The following TANC1 variants were observed in gnomAD, a reference collection of about 807,000 sequenced individuals.
TANC1 encodes the protein tetratricopeptide repeat, ankyrin repeat and coiled-coil containing 1, also known as protein TANC1.
Under a neutral mutation model 149.7 loss-of-function variants are expected in TANC1, and 77 were observed. The ratio of observed to expected loss-of-function variants is 0.51; its 90% CI spans 0.43 to 0.62. The LOEUF is 0.62. Among genes scored for constraint, TANC1 ranks in the 20% least tolerant of loss-of-function variants. The pLI, the probability that TANC1 is intolerant of heterozygous loss-of-function variation, is 0.00. For missense variants in TANC1, 1,985 were observed against 2,321.8 expected (o/e 0.85, Z 2.98); for synonymous variants, 854 against 925.0 (o/e 0.92, Z 1.39).
intron 1 of TANC1, among the ~76,000 whole-genome samples, chr2:159,000,838 G>A (rs927381822): frequency 2.6e-5 from 4 of 152,174 alleles, no homozygotes; most frequent in South Asian, 4.1e-4. Context: ...CCAGGGATCA[G>A]AGCTTAAGTG....
At chr2:159,040,845 T>C (rs1273599664) in intron 2 of TANC1, among the ~76,000 whole-genome samples, 1 of 152,234 alleles carries the variant, frequency 6.6e-6, no homozygotes, top group African/African-American at 2.4e-5. Flanking sequence ...AGAGGCATTC[T>C]GGTTTTTAGA....
chr2:159,140,556 T>C (rs904432425), intron 5 of TANC1, among the ~76,000 whole-genome samples: 2 of 152,206 alleles, frequency 1.3e-5, no homozygotes, highest in African/African-American at 4.8e-5. Flanking sequence ...GCATGGGTCC[T>C]GTCTTTATGG....
In TANC1 at chr2:159,196,844, C is replaced by G. The variant is rs376330182; in HGVS notation, c.3165+51C>G. 2.2e-5 allele frequency: 33 copies of G among 1,528,806 alleles called. No homozygotes were observed. The African/African-American group carries it at 4.4e-4, about 21-fold the overall frequency. The allele number at this position is 1,528,806 out of a possible 1,614,324, so 94.7% of individuals were successfully genotyped here. A position where few individuals can be genotyped will look rare whatever the true frequency, so the allele number is the denominator to read the frequency against. ...TGGGAAACAAGAAGCTGTAGCCCAGCAAGTCAGTTGACACACTGAAGGACC... is the reference window on the plus strand; with the variant it reads ...TGGGAAACAAGAAGCTGTAGCCCAGGAAGTCAGTTGACACACTGAAGGACC... On this transcript the variant is annotated intron_variant, in intron 18 of 26. Coordinates refer to ENST00000263635, the MANE Select transcript of TANC1 (RefSeq NM_033394.3).
chr2:159,149,231 A>G lies in TANC1; in HGVS notation c.454A>G (p.Ser152Gly). 1 of 1,614,170 alleles carries G rather than the reference A, an allele frequency of 6.2e-7. No homozygotes were observed. The highest frequency in any genetic ancestry group is 8.5e-7 in the Non-Finnish European group (1 of 1,180,004). ...LGFLLGEGIP[S>G]ATHITIEDKN... is the part of the protein sequence containing the mutation. ...ATTTTTACTGGGAGAAGGGATCCCAAGTGCCACACACATAACCATTGAAGA... is the reference window on the plus strand; with the variant it reads ...ATTTTTACTGGGAGAAGGGATCCCAGGTGCCACACACATAACCATTGAAGA... The change falls in exon 6 of 27, where the codon AGT becomes GGT. Residue 152 changes from serine (S) to glycine (G), a missense_variant. Transcript: ENST00000263635.
chr2:159,016,105 G>A (rs977294159), intron 2 of TANC1, among the ~76,000 whole-genome samples: 1 of 152,194 alleles, frequency 6.6e-6, no homozygotes, highest in Non-Finnish European at 1.5e-5. Context: ...CCAAGACTGA[G>A]CAGTTTACAA....
rs2060371011 is a variant in TANC1 at position 159,232,556 on chromosome 2, CTTAT to C, written c.*1551_*1554del. The C allele has an allele frequency of 6.6e-6, 1 of 152,534 alleles. No homozygotes were observed. The highest frequency in any genetic ancestry group is 2.1e-4 in the South Asian group (1 of 4,828). 9.4% of individuals were successfully genotyped at this position (152,534 alleles called of 1,614,324 possible). On this transcript the variant is annotated 3_prime_UTR_variant, in exon 27 of 27. Transcript: ENST00000263635. ...ATGAGTTTTGCTGTAACTACTATGGCTTATTTATTTTCTTTAATATTTGTGAAAG... is the reference window on the plus strand; with the variant it reads ...ATGAGTTTTGCTGTAACTACTATGGCTTATTTTCTTTAATATTTGTGAAAG...
chr2:159,074,540 G>GT (rs2043458360), intron 3 of TANC1, among the ~76,000 whole-genome samples: 1 of 152,130 alleles, frequency 6.6e-6, no homozygotes, highest in Non-Finnish European at 1.5e-5. Flanking sequence ...TGATGATTGT[G>GT]TTTTTATTTC....
intron 8 of TANC1, 71 bp downstream of exon 8, chr2:159,163,617 A>G (rs960086473): frequency 1.3e-6 from 2 of 1,531,560 alleles, no homozygotes; most frequent in East Asian, 4.5e-5. Context: ...CTGTCTTCAC[A>G]TGGGAAGACA....
intron 5 of TANC1, 47 bp from the exon 6 acceptor site, chr2:159,149,095 G>A: frequency 6.5e-7 from 1 of 1,532,476 alleles, no homozygotes; most frequent in Non-Finnish European, 8.8e-7. Flanking sequence ...ATGCGATACT[G>A]AAATTCCCCA....
At chr2:159,043,818 C>T (rs969964559) in intron 2 of TANC1, among the ~76,000 whole-genome samples, 3 of 152,104 alleles carry the variant, frequency 2.0e-5, no homozygotes, top group Admixed American at 6.5e-5. Flanking sequence ...CTCCTTATTC[C>T]CCGTGAAAAA....
intron 17 of TANC1, among the ~76,000 whole-genome samples, chr2:159,194,698 T>G (rs2057721489): frequency 6.6e-6 from 1 of 152,254 alleles, no homozygotes; most frequent in Non-Finnish European, 1.5e-5. Context: ...TGCTTAATGT[T>G]GTCCAGGGGA....
At chr2:158,976,660 C>A (rs1023486286) in intron 1 of TANC1, among the ~76,000 whole-genome samples, 2 of 152,168 alleles carry the variant, frequency 1.3e-5, no homozygotes, top group African/African-American at 2.4e-5. Flanking sequence ...GCGGGCAGAT[C>A]ACCTGAGGTC....
rs1345792054 is a variant in TANC1, at chr2:159,150,555, A to G, written c.681A>G (p.Ile227Met). Residue 227 changes from isoleucine to methionine, a missense_variant and splice_region_variant, in exon 7 of 27, where the codon ATA becomes ATG. Coordinates refer to ENST00000263635, the MANE Select transcript of TANC1 (RefSeq NM_033394.3). ...TGGAAAGCAAGGACAGTGGAATTATAGGTAAGAAGCACACTGCTCGGTAAC... is the reference window on the plus strand; with the variant it reads ...TGGAAAGCAAGGACAGTGGAATTATGGGTAAGAAGCACACTGCTCGGTAAC... Reference protein sequence around the residue: ...STLESKDSGIIATITSSSEND... With the variant: ...STLESKDSGIMATITSSSEND... 6.2e-7 allele frequency: 1 copy of G among 1,610,740 alleles called. No homozygotes were observed. Among genetic ancestry groups the G allele is most frequent in the South Asian group, 1.1e-5 (1 of 90,994 alleles).
chr2:159,191,921 GAT>G (rs1457708596), intron 16 of TANC1, among the ~76,000 whole-genome samples: 1 of 152,042 alleles, frequency 6.6e-6, no homozygotes, highest in Non-Finnish European at 1.5e-5. Flanking sequence ...GGCAGTGATT[GAT>G]GTGGGTCAGG....
In TANC1 at chr2:159,078,393, G is replaced by A. The variant is rs576432658; in HGVS notation, c.61+12422G>A. ...AAAGTTCTAAGCAAGGCAAATGTGT[G>A]TCTTGTTTAATTTTGAATTATAAAG... On this transcript the variant is annotated intron_variant, in intron 3 of 26. Coordinates refer to ENST00000263635, the MANE Select transcript of TANC1 (RefSeq NM_033394.3). 1.4e-3 allele frequency among the ~76,000 whole-genome samples: 219 copies of A among 152,302 alleles called. 1 individual carries two copies. The highest frequency in any genetic ancestry group is 4.8e-3 in the African/African-American group (199 of 41,556).
At chr2:159,148,398 A>T (rs1056456430) in intron 5 of TANC1, 6 of 152,248 alleles carry the variant, frequency 3.9e-5, no homozygotes, top group Non-Finnish European at 7.3e-5. Flanking sequence ...AGTACAAAAA[A>T]ACCAGATGAC....
At chr2:159,115,267 CAG>C (rs781079885) in intron 4 of TANC1, among the ~76,000 whole-genome samples, 4 of 151,856 alleles carry the variant, frequency 2.6e-5, no homozygotes, top group Non-Finnish European at 5.9e-5. Flanking sequence ...TGTCCTATGA[CAG>C]AGTTAAGCAG....
rs145337102 is a variant in TANC1 at position 159,067,185 on chromosome 2, A to G, written c.61+1214A>G. On this transcript the variant is annotated intron_variant, in intron 3 of 26. Coordinates refer to ENST00000263635, the MANE Select transcript of TANC1 (RefSeq NM_033394.3). ...GATAATATTAATGTCTGTTGTTTCC[A>G]TACTTATATAAGAGAATAAGTGGAT... Among the ~76,000 whole-genome samples the G allele has an allele frequency of 2.8e-4, 42 of 152,366 alleles. No individual in the cohort carries two copies. The East Asian group carries it at 5.4e-3, about 20-fold the overall frequency.
intron 2 of TANC1, among the ~76,000 whole-genome samples, chr2:159,025,588 C>T (rs1292767724): frequency 1.3e-5 from 2 of 152,160 alleles, no homozygotes; most frequent in African/African-American, 4.8e-5. Context: ...ATACCTAGTC[C>T]ATACATAGAT....
Sources: allele counts gnomAD v4.1 joint callset (sites outside exome capture counted in the v4.1 genomes callset), GRCh38; gene constraint gnomAD v4.1.1; transcripts MANE v1.5; gene names NCBI Gene and HGNC (gene_info 2026-07-23, HGNC 2026-07-21).